Variants in FBN2 observed in about 807,000 individuals in gnomAD.
The protein encoded by FBN2 is fibrillin-2.
In FBN2, 105 loss-of-function variants were observed where a neutral mutation model predicts 355.6. The ratio of observed to expected loss-of-function variants is 0.30; its 90% confidence interval spans 0.25 to 0.35. The LOEUF (loss-of-function observed/expected upper bound fraction) is 0.35. Ranked by LOEUF, FBN2 falls within the 10% of genes least tolerant of loss-of-function variation. The pLI is 1.00. For synonymous variants in FBN2, 1,350 were observed against 1,301.2 expected (o/e 1.04, Z -0.81); for missense variants, 3,280 against 3,758.7 (o/e 0.87, Z 3.33).
intron 7 of FBN2, among the ~76,000 whole-genome samples, chr5:128,412,518 G>A (rs1034390707): frequency 6.6e-6 from 1 of 152,214 alleles, no homozygotes; most frequent in Non-Finnish European, 1.5e-5. Context: ...CATAGGCCTG[G>A]AGTCCTGAAT....
intron 28 of FBN2, 41 bp downstream of exon 28, chr5:128,335,947 T>C: frequency 6.2e-7 from 1 of 1,610,884 alleles, no homozygotes; most frequent in South Asian, 1.1e-5. Context: ...CTAGGCTGAT[T>C]TGAGACATAT....
At chr5:128,462,155 A>C (rs900319364) in intron 6 of FBN2, among the ~76,000 whole-genome samples, 1 of 152,126 alleles carries the variant, frequency 6.6e-6, no homozygotes, top group African/African-American at 2.4e-5. Context: ...CTTCAAAAGA[A>C]CCATGATTTA....
intron 23 of FBN2, 53 bp downstream of exon 23, chr5:128,349,294 A>G: frequency 6.8e-6 from 11 of 1,611,916 alleles, no homozygotes; most frequent in Non-Finnish European, 9.3e-6. Flanking sequence ...TGCTTAAACA[A>G]GGAAATTCAT....
intron 64 of FBN2, 146 bp from the exon 65 acceptor site, chr5:128,259,975 C>T: frequency 2.5e-6 from 2 of 798,350 alleles, no homozygotes; most frequent in Non-Finnish European, 2.1e-6. Flanking sequence ...CCAGCAGTGG[C>T]TGTGAAAGAG....
intron 36 of FBN2, among the ~76,000 whole-genome samples, chr5:128,316,175 A>G (rs1193627504): frequency 1.3e-5 from 2 of 152,222 alleles, no homozygotes; most frequent in African/African-American, 2.4e-5. Flanking sequence ...GGACAATATA[A>G]TAAGAAAACT....
chr5:128,277,963 C>T lies in FBN2; in HGVS notation c.7388G>A (p.Gly2463Asp). The change falls in exon 58 of 65, where the codon GGT becomes GAT. Residue 2463 changes from glycine to aspartate, a missense_variant. By Grantham distance (94) the Gly-to-Asp change is moderately conservative. Around this residue, in one of 6 missense-constraint regions of FBN2, gnomAD observed 2,284 missense variants for 2,749.5 expected, o/e 0.83. Transcript: ENST00000262464. ...CKVMPNLCTN[G>D]QCINTMGSFR... ...TGAGCCCATGGTATTGATGCACTGACCATTGGTGCAGAGGTTTGGCATTAC... is the reference window on the plus strand; with the variant it reads ...TGAGCCCATGGTATTGATGCACTGATCATTGGTGCAGAGGTTTGGCATTAC... 2 of 1,613,634 alleles carry T rather than the reference C, an allele frequency of 1.2e-6. No homozygotes were observed. The highest frequency in any genetic ancestry group is 1.7e-6 in the Non-Finnish European group (2 of 1,179,598).
intron 1 of FBN2, 66 bp downstream of exon 1, chr5:128,537,284 G>A (rs1756877069): frequency 5.0e-6 from 8 of 1,596,098 alleles, no homozygotes; most frequent in Non-Finnish European, 6.8e-6. Context: ...CCAGAAAGCC[G>A]CCAAACTGAG....
chr5:128,362,414 A>T (rs1751661200), intron 18 of FBN2, among the ~76,000 whole-genome samples: 1 of 152,236 alleles, frequency 6.6e-6, no homozygotes, highest in Non-Finnish European at 1.5e-5. Context: ...AGTCCAGAAC[A>T]GCCTAGAGAA....
intron 22 of FBN2, 58 bp downstream of exon 22, chr5:128,349,897 T>C (rs1260947321): frequency 7.5e-7 from 1 of 1,325,302 alleles, no homozygotes; most frequent in Non-Finnish European, 1.1e-6. Context: ...AGAGTGAATG[T>C]TAATTTTACT....
At chr5:128,382,103 A>G (rs1752248469) in intron 11 of FBN2, among the ~76,000 whole-genome samples, 1 of 152,074 alleles carries the variant, frequency 6.6e-6, no homozygotes, top group African/African-American at 2.4e-5. Flanking sequence ...TTAATGAAAC[A>G]CATGTGTGTT....
chr5:128,367,603 G>T (rs55733883), intron 16 of FBN2, among the ~76,000 whole-genome samples: 21,997 of 151,936 alleles, frequency 0.14, 2,286 homozygotes, highest in African/African-American at 0.29. Context: ...TATTCTATAT[G>T]AAAATTATGT....
chr5:128,447,200 A>G (rs372610123), intron 6 of FBN2, among the ~76,000 whole-genome samples: 2 of 152,220 alleles, frequency 1.3e-5, no homozygotes. Context: ...TGAAAAAAGA[A>G]CAGGATAACA....
intron 34 of FBN2, among the ~76,000 whole-genome samples, chr5:128,324,143 C>A (rs1750473539): frequency 6.6e-6 from 1 of 152,126 alleles, no homozygotes; most frequent in Admixed American, 6.6e-5. Context: ...ATATCCCCCC[C>A]TTTATCATTT....
At chr5:128,382,234 G>T (rs1355706029) in intron 11 of FBN2, among the ~76,000 whole-genome samples, 1 of 152,012 alleles carries the variant, frequency 6.6e-6, no homozygotes, top group Non-Finnish European at 1.5e-5. Flanking sequence ...CACTGCCTTT[G>T]ATTTTTCTAC....
chr5:128,399,208 T>C (rs1229828776), intron 8 of FBN2, among the ~76,000 whole-genome samples: 2 of 152,024 alleles, frequency 1.3e-5, no homozygotes, highest in African/African-American at 4.8e-5. Flanking sequence ...CAATTAGCCA[T>C]ACCACTGTGA....
intron 5 of FBN2, among the ~76,000 whole-genome samples, chr5:128,496,855 T>C (rs572715840): frequency 6.6e-6 from 1 of 152,064 alleles, no homozygotes; most frequent in East Asian, 1.9e-4. Flanking sequence ...TTCTGCAAGA[T>C]TGCAAGATAC....
chr5:128,468,118 A>G (rs1351652398), intron 5 of FBN2, among the ~76,000 whole-genome samples: 1 of 152,190 alleles, frequency 6.6e-6, no homozygotes, highest in Non-Finnish European at 1.5e-5. Flanking sequence ...TCCCAGCCTC[A>G]GTCAACCACT....
At chr5:128,304,053 T>C (rs1441920859) in intron 45 of FBN2, among the ~76,000 whole-genome samples, 1 of 152,154 alleles carries the variant, frequency 6.6e-6, no homozygotes, top group Admixed American at 6.5e-5. Context: ...TATTCCCTGT[T>C]GTATGGATGT....
chr5:128,534,109 G>A (rs1295941085), intron 2 of FBN2, among the ~76,000 whole-genome samples: 2 of 152,072 alleles, frequency 1.3e-5, no homozygotes, highest in Non-Finnish European at 2.9e-5. Context: ...TATATTAAAA[G>A]AATGCTGAGG....
Sources: gnomAD v4.1 joint callset for allele counts (sites outside exome capture counted in the v4.1 genomes callset) on GRCh38, gnomAD v4.1.1 for gene constraint, gnomAD v4.1.1 regional missense constraint, MANE v1.5 for transcripts, NCBI Gene and HGNC (gene_info 2026-07-23, HGNC 2026-07-21) for gene names.